RNF216: variants seen among roughly 807,000 people sequenced by gnomAD.
RNF216 encodes the protein E3 ubiquitin-protein ligase RNF216.
Under a neutral mutation model 110.8 loss-of-function variants are expected in RNF216, and 72 were observed. The ratio of observed to expected loss-of-function variants is 0.65; its 90% CI spans 0.54 to 0.79. The LOEUF (loss-of-function observed/expected upper bound fraction) is 0.79, where lower values mean the gene tolerates loss of function less well. Among genes scored for constraint, RNF216 ranks in the 30% least tolerant of loss-of-function variants. RNF216 has a pLI of 0.00. For synonymous variants in RNF216, 495 were observed against 407.5 expected, an observed-to-expected ratio of 1.21 and a Z score of -2.59; for missense variants, 1,342 against 1,141.2, an observed-to-expected ratio of 1.18 and a Z score of -2.54.
chr7:5,723,978 G>C (rs1333803847), intron 8 of RNF216, among the ~76,000 whole-genome samples: 1 of 152,116 alleles, frequency 6.6e-6, no homozygotes, highest in Non-Finnish European at 1.5e-5. Context: ...TATCTGATAA[G>C]TAAAATTAAA....
At chr7:5,720,450 C>T (rs546594241) in intron 9 of RNF216, among the ~76,000 whole-genome samples, 2 of 152,264 alleles carry the variant, frequency 1.3e-5, no homozygotes, top group Non-Finnish European at 2.9e-5. Flanking sequence ...ACGTGCTCAT[C>T]GACTATTATG....
In RNF216 at chr7:5,624,069, T is replaced by C. The variant is rs1428502951; in HGVS notation, c.2439A>G (p.Lys813=). 1.2e-6 allele frequency: 2 copies of C among 1,613,728 alleles called. No individual in the cohort carries two copies. The highest frequency in any genetic ancestry group is 1.7e-6 in the Non-Finnish European group (2 of 1,179,948). The change falls in exon 16 of 17, where the codon AAA becomes AAG. Residue 813 remains lysine, a synonymous_variant. Transcript: ENST00000389902. The surrounding 1 kb of genome is among the most constrained non-coding windows in gnomAD (Gnocchi z 4.4). ...AGGGGCACTTGCCTCCATTCTTTCT[T>C]TTCTGTTCCTCTTCAGCCTCCTTCT... ...EIQKEAEEEQ[K]RKNGENTFKR...
chr7:5,690,986 G>GCTGAAGCTCCAC (rs1434396197), intron 13 of RNF216, among the ~76,000 whole-genome samples: 1 of 152,208 alleles, frequency 6.6e-6, no homozygotes, highest in Non-Finnish European at 1.5e-5. Context: ...GCCAGGAGAG[G>GCTGAAGCTCCAC]CTGAAGCTCC....
intron 2 of RNF216, among the ~76,000 whole-genome samples, chr7:5,757,004 T>C (rs1795679411): frequency 6.6e-6 from 1 of 152,240 alleles, no homozygotes; most frequent in African/African-American, 2.4e-5. Context: ...ATTACATGTA[T>C]CTCATAAATG....
chr7:5,737,791 G>C (rs1254681993), intron 5 of RNF216, among the ~76,000 whole-genome samples: 1 of 151,996 alleles, frequency 6.6e-6, no homozygotes, highest in African/African-American at 2.4e-5. Flanking sequence ...GAACTATTTT[G>C]TTTAAATTTA....
At position 5,741,582 on chromosome 7, in the gene RNF216, G is replaced by A. The variant is rs1297882063; in HGVS notation, c.435C>T (p.Phe145=). 6.2e-7 allele frequency: 1 copy of A among 1,614,168 alleles called. No individual in the cohort carries two copies. The highest frequency in any genetic ancestry group is 1.7e-5 in the Admixed American group (1 of 60,012). Residue 145 remains phenylalanine (F), a synonymous_variant, in exon 4 of 17, where the codon TTC becomes TTT. Transcript: ENST00000389902. Reference sequence around the variant, plus strand: ...TTTCTGTTTGGCCACTTGGCTTAGTGAATTCAGAGATTCCAGGAGGCCCAA... The same window carrying A: ...TTTCTGTTTGGCCACTTGGCTTAGTAAATTCAGAGATTCCAGGAGGCCCAA... ...LDLGPPGISE[F]TKPSGQTERE...
rs777307401 is a variant in RNF216 at position 5,712,828 on chromosome 7, A to C, written c.1869T>G (p.Cys623Trp). The C allele has an allele frequency of 6.2e-7, 1 of 1,614,086 alleles. No homozygotes were observed. Among genetic ancestry groups the C allele is most frequent in the East Asian group, 2.2e-5 (1 of 44,874 alleles). The part of the protein sequence containing the change: ...ELSCMEGSCT[C>W]SFPTSELEKV... ...TCTCCAGCTCACTGGTTGGGAACGA[A>C]CACGTGCAGCTGCCTTCCATGCAGC... Residue 623 changes from cysteine (C) to tryptophan (W), a missense_variant, in exon 12 of 17, where the codon TGT becomes TGG. Cys to Trp is a radical substitution (Grantham distance 215). Transcript: ENST00000389902.
In RNF216 at chr7:5,741,601, G is replaced by C. The variant is rs1794762227; in HGVS notation, c.416C>G (p.Pro139Arg). The change falls in exon 4 of 17, where the codon CCT becomes CGT. Residue 139 changes from proline (P) to arginine (R), a missense_variant. Transcript: ENST00000389902. Reference sequence around the variant, plus strand: ...CTTAGTGAATTCAGAGATTCCAGGAGGCCCAAGATCCAGAAATTCACCGTA... The same window carrying C: ...CTTAGTGAATTCAGAGATTCCAGGACGCCCAAGATCCAGAAATTCACCGTA... ...DDYGEFLDLG[P>R]PGISEFTKPS... 6.2e-7 allele frequency: 1 copy of C among 1,614,002 alleles called. No individual in the cohort carries two copies. The highest frequency in any genetic ancestry group is 1.3e-5 in the African/African-American group (1 of 74,896).
At chr7:5,657,714 C>T (rs902259218) in intron 13 of RNF216, among the ~76,000 whole-genome samples, 1 of 152,138 alleles carries the variant, frequency 6.6e-6, no homozygotes, top group African/African-American at 2.4e-5. Context: ...TTCTAGTTGT[C>T]AAAGATGCTG....
chr7:5,681,924 G>A, intron 13 of RNF216, among the ~76,000 whole-genome samples: 1 of 152,208 alleles, frequency 6.6e-6, no homozygotes, highest in East Asian at 1.9e-4. Flanking sequence ...ACCCCCAGTG[G>A]TTTTCTAAAG....
intron 1 of RNF216, chr7:5,775,209 G>A (rs1796708490): frequency 6.6e-6 from 1 of 152,126 alleles, no homozygotes; most frequent in African/African-American, 2.4e-5. Flanking sequence ...ATTTTCTTCA[G>A]TTATCAAGTA....
Position 5,715,003 on chromosome 7 carries a change from G to C in RNF216, c.1833+50C>G, listed in dbSNP as rs751140479. On this transcript the variant is annotated intron_variant, in intron 11 of 16. Coordinates refer to ENST00000389902, the MANE Select transcript of RNF216 (RefSeq NM_207111.4). ...CTTATCTATCAACATGGTCTCCTTA[G>C]ACTCCAGGAATGTGTCCTATATACA... The C allele has an allele frequency of 5.2e-6, 8 of 1,537,318 alleles. No homozygotes were observed. The African/African-American group carries it at 6.8e-5, about 13-fold the overall frequency.
At chr7:5,715,485 C>A (rs1792989449) in intron 10 of RNF216, among the ~76,000 whole-genome samples, 1 of 152,012 alleles carries the variant, frequency 6.6e-6, no homozygotes, top group Non-Finnish European at 1.5e-5. Flanking sequence ...GCAAAGGGAA[C>A]TAGAACATCT....
intron 15 of RNF216, among the ~76,000 whole-genome samples, chr7:5,634,255 G>T (rs1272718307): frequency 6.9e-6 from 1 of 145,246 alleles, no homozygotes; most frequent in Non-Finnish European, 1.5e-5. Flanking sequence ...CCTCCCCTTA[G>T]AAAGCTGACT....
chr7:5,740,846 A>C, intron 4 of RNF216, 127 bp downstream of exon 4: 2 of 824,574 alleles, frequency 2.4e-6, no homozygotes, highest in Admixed American at 6.2e-5. Context: ...CTGTACATCT[A>C]GATATATACT....
At chr7:5,699,931 T>A (rs1356548350) in intron 13 of RNF216, among the ~76,000 whole-genome samples, 1 of 152,222 alleles carries the variant, frequency 6.6e-6, no homozygotes, top group Non-Finnish European at 1.5e-5. Context: ...TTTTACGTTC[T>A]CAGCTACCAC....
chr7:5,726,845 G>A (rs1433491105), intron 7 of RNF216, among the ~76,000 whole-genome samples: 1 of 150,348 alleles, frequency 6.7e-6, no homozygotes, highest in East Asian at 1.9e-4. Flanking sequence ...GCGACAGAGC[G>A]TGACTCTGTC....
chr7:5,689,595 T>C, intron 13 of RNF216, among the ~76,000 whole-genome samples: 1 of 152,060 alleles, frequency 6.6e-6, no homozygotes. Context: ...ATAAGAAATG[T>C]AGTTTTAGGG....
intron 15 of RNF216, among the ~76,000 whole-genome samples, chr7:5,638,632 C>CT (rs1562778314): frequency 2.4e-5 from 3 of 122,732 alleles, no homozygotes; most frequent in Non-Finnish European, 3.3e-5. Context: ...GAAAAGCAAG[C>CT]ATTTTTTTTT....
Sources: allele counts gnomAD v4.1 joint callset (sites outside exome capture counted in the v4.1 genomes callset), GRCh38; gene constraint gnomAD v4.1.1; non-coding constraint Gnocchi (gnomAD v3.1); transcripts MANE v1.5; gene names NCBI Gene and HGNC (gene_info 2026-07-23, HGNC 2026-07-21).